The following GLP2R variants were observed in gnomAD, a reference collection of about 807,000 sequenced individuals.
The protein encoded by GLP2R is glucagon like peptide 2 receptor.
A neutral mutation model predicts 68.2 loss-of-function variants in GLP2R; 59 were observed. The ratio of observed to expected loss-of-function variants is 0.87; its 90% CI spans 0.70 to 1.07. The LOEUF is 1.07. Ranked by LOEUF, GLP2R falls within the 50% of genes least tolerant of loss-of-function variation. The probability of loss-of-function intolerance (pLI) is 0.00; values close to 1 mark genes in which losing one functional copy is unlikely to be tolerated. For synonymous variants in GLP2R, 270 were observed against 265.4 expected (o/e 1.02, Z -0.17); for missense variants, 548 against 677.4 (o/e 0.81, Z 2.12).
chr17:9,883,712 A>T (rs758733911), intron 11 of GLP2R, among the ~76,000 whole-genome samples: 6 of 152,244 alleles, frequency 3.9e-5, no homozygotes, highest in Non-Finnish European at 8.8e-5. Flanking sequence ...AAATATTCAG[A>T]ATGCTGAAAG....
At chr17:9,872,195 C>A (rs1038416902) in intron 10 of GLP2R, among the ~76,000 whole-genome samples, 1 of 152,358 alleles carries the variant, frequency 6.6e-6, no homozygotes, top group Non-Finnish European at 1.5e-5. Context: ...TAAGGCCTCA[C>A]CCAGGTGCTG....
chr17:9,848,608 G>A (rs754303023), intron 4 of GLP2R, among the ~76,000 whole-genome samples: 16 of 152,032 alleles, frequency 1.1e-4, no homozygotes, highest in East Asian at 1.9e-4. Flanking sequence ...TTCTCTCTTC[G>A]GAAAAGTGAG....
chr17:9,879,291 T>TAAATAAAATA (rs1555574075), intron 10 of GLP2R, among the ~76,000 whole-genome samples: 1 of 26,802 alleles, frequency 3.7e-5, no homozygotes, highest in Non-Finnish European at 6.3e-5. Flanking sequence ...TAAAATAAAA[T>TAAATAAAATA]AAATAAAATA....
chr17:9,850,286 A>G (rs2066879699), intron 4 of GLP2R, among the ~76,000 whole-genome samples: 1 of 152,226 alleles, frequency 6.6e-6, no homozygotes, highest in Admixed American at 6.5e-5. Flanking sequence ...GGACAGTTGA[A>G]CAAAATCCTG....
In GLP2R at chr17:9,826,162, G is replaced by C. The variant is rs1296676021; in HGVS notation, c.99G>C (p.Gly33=). The C allele has an allele frequency of 6.2e-7, 1 of 1,613,064 alleles. No homozygotes were observed. Among genetic ancestry groups the C allele is most frequent in the Non-Finnish European group, 8.5e-7 (1 of 1,179,578 alleles). ...CCATGGGCATCCCTGCCCCCTGGGG[G>C]ACCAGTCCTCTCTCCTTCCACAGGA... is the stretch of plus-strand genomic sequence containing the variant. ...ELPMGIPAPW[G]TSPLSFHRKC... is the part of the protein sequence containing the mutation. The change falls in exon 1 of 13, where the codon GGG becomes GGC. Residue 33 remains glycine (G), a synonymous_variant. Transcript: ENST00000262441.
intron 7 of GLP2R, among the ~76,000 whole-genome samples, chr17:9,860,377 T>A (rs1007925474): frequency 2.6e-5 from 4 of 152,184 alleles, no homozygotes; most frequent in Non-Finnish European, 4.4e-5. Context: ...TCCCCAACTG[T>A]ATTAGTCTGC....
rs558738911 is a variant in GLP2R, at chr17:9,828,173, A to T, written c.189+1921A>T. ...AACCCCTGCCAGATTTCCTACATCC[A>T]GGTTCCCCTAGAGGCTGCCTTCAGG... On this transcript the variant is annotated intron_variant, in intron 1 of 12. Transcript: ENST00000262441. 2.2e-4 allele frequency among the ~76,000 whole-genome samples: 34 copies of T among 152,266 alleles called. No individual in the cohort carries two copies. The East Asian group carries it at 3.1e-3, about 14-fold the overall frequency.
At chr17:9,862,310 A>T (rs1030157819) in intron 9 of GLP2R, among the ~76,000 whole-genome samples, 1 of 152,120 alleles carries the variant, frequency 6.6e-6, no homozygotes, top group African/African-American at 2.4e-5. Context: ...TGGGTCTTCA[A>T]ACTGTGTAAA....
At chr17:9,828,710 G>A (rs2066654546) in intron 1 of GLP2R, among the ~76,000 whole-genome samples, 1 of 152,140 alleles carries the variant, frequency 6.6e-6, no homozygotes, top group Non-Finnish European at 1.5e-5. Context: ...TTTTCTTCCG[G>A]AGTGCTCTTG....
At chr17:9,846,722 T>G (rs72822156) in intron 4 of GLP2R, among the ~76,000 whole-genome samples, 39,729 of 152,176 alleles carry the variant, frequency 0.26, 6,915 homozygotes, top group Non-Finnish European at 0.39. Flanking sequence ...ATGTTTGAAA[T>G]TTTCATAATA....
intron 10 of GLP2R, among the ~76,000 whole-genome samples, chr17:9,871,875 C>T (rs972426546): frequency 2.0e-5 from 3 of 151,992 alleles, no homozygotes; most frequent in Admixed American, 6.6e-5. Context: ...CAGGCACCTG[C>T]CACCACGTCC....
chr17:9,863,079 G>A (rs147376069), intron 9 of GLP2R, among the ~76,000 whole-genome samples: 14 of 152,260 alleles, frequency 9.2e-5, no homozygotes, highest in African/African-American at 2.2e-4. Flanking sequence ...GAGGTGGCAC[G>A]TATGCTGCGG....
rs11396066 is a variant in GLP2R at position 9,879,291 on chromosome 17, T to TAAAATAAAATAAAATAAAATAATA, written c.1146-1084_1146-1083insATAAAATAAAATAAAATAATAAAA. Among the ~76,000 whole-genome samples the TAAAATAAAATAAAATAAAATAATA allele has an allele frequency of 1.1e-4, 3 of 26,802 alleles. No homozygotes were observed. In the Admixed American group the frequency reaches 1.3e-3, roughly 12 times the overall value. The allele number at this position is 26,802 out of a possible 152,430, so 17.6% of individuals were successfully genotyped here. On this transcript the variant is annotated intron_variant, in intron 10 of 12. Coordinates refer to ENST00000262441, the MANE Select transcript of GLP2R (RefSeq NM_004246.3). ...TAAAATAAAATAAAATAAAATAAAA[T>TAAAATAAAATAAAATAAAATAATA]AAATAAAATAAAATAAAATAAAATA...
At chr17:9,835,995 C>T (rs747638074) in intron 2 of GLP2R, among the ~76,000 whole-genome samples, 9 of 139,646 alleles carry the variant, frequency 6.4e-5, no homozygotes, top group South Asian at 2.2e-4. Flanking sequence ...GCTGAGATCA[C>T]GCCATTGTAC....
chr17:9,863,580 C>T (rs955007491), intron 9 of GLP2R, among the ~76,000 whole-genome samples: 1 of 152,190 alleles, frequency 6.6e-6, no homozygotes, highest in Non-Finnish European at 1.5e-5. Context: ...TCTTTTGCAC[C>T]TTAGTACCTT....
intron 6 of GLP2R, 141 bp downstream of exon 6, chr17:9,857,717 C>A: frequency 2.5e-6 from 2 of 792,074 alleles, no homozygotes; most frequent in Non-Finnish European, 4.1e-6. Context: ...AGAAGTAGTA[C>A]GTGACTTAAC....
Position 9,890,266 on chromosome 17 carries a change from T to A in GLP2R, c.*561T>A. The A allele has an allele frequency of 2.9e-6, 1 of 341,720 alleles. No individual in the cohort carries two copies. Among genetic ancestry groups the A allele is most frequent in the Non-Finnish European group, 5.7e-6 (1 of 174,796 alleles). The allele number at this position is 341,720 out of a possible 1,614,324, so 21.2% of individuals were successfully genotyped here. A position where few individuals can be genotyped will look rare whatever the true frequency, so the allele number is the denominator to read the frequency against. Reference sequence around the variant, plus strand: ...AACACTGGGCAGGGTGAGAGGGAGCTAGAAGCGCCCCCATGTGGCCATGGC... The same window carrying A: ...AACACTGGGCAGGGTGAGAGGGAGCAAGAAGCGCCCCCATGTGGCCATGGC... On this transcript the variant is annotated 3_prime_UTR_variant, in exon 13 of 13. Transcript: ENST00000262441.
Position 9,860,060 on chromosome 17 carries a change from C to T in GLP2R, c.884C>T (p.Pro295Leu). 1.2e-6 allele frequency: 2 copies of T among 1,612,496 alleles called. No individual in the cohort carries two copies. Among genetic ancestry groups the T allele is most frequent in the East Asian group, 4.5e-5 (2 of 44,796 alleles). ...ACGCTGCTGGAGCCCACAGTGCTTC[C>T]TGAGAGGCGGCTGTGGCCCAGATAC... ...LHTLLEPTVLPERRLWPRYLL... is the reference protein window; with the variant it reads ...LHTLLEPTVLLERRLWPRYLL... The change falls in exon 7 of 13, where the codon CCT (proline) becomes CTT (leucine). Residue 295 changes from proline to leucine, a missense_variant. Physicochemically the swap from Pro to Leu is moderately conservative, Grantham distance 98 (BLOSUM62 -3). Coordinates refer to ENST00000262441, the MANE Select transcript of GLP2R (RefSeq NM_004246.3).
intron 1 of GLP2R, among the ~76,000 whole-genome samples, chr17:9,830,617 T>C (rs2066671822): frequency 1.3e-5 from 2 of 152,230 alleles, no homozygotes; most frequent in Admixed American, 6.5e-5. Flanking sequence ...TGTGCTTGTA[T>C]ACCCCAGGGC....
Sources: gnomAD v4.1 joint callset for allele counts (sites outside exome capture counted in the v4.1 genomes callset) on GRCh38, gnomAD v4.1.1 for gene constraint, MANE v1.5 for transcripts, NCBI Gene and HGNC (gene_info 2026-07-23, HGNC 2026-07-21) for gene names.